DMGDH: variants seen among roughly 807,000 people sequenced by gnomAD.
DMGDH encodes dimethylglycine dehydrogenase, mitochondrial.
A neutral mutation model predicts 95.2 loss-of-function variants in DMGDH; 76 were observed. The ratio of observed to expected loss-of-function variants is 0.80; its 90% CI spans 0.66 to 0.97. DMGDH has a LOEUF of 0.97. Ranked by LOEUF, DMGDH falls within the 50% of genes least tolerant of loss-of-function variation. The probability of loss-of-function intolerance (pLI) is 0.00; values close to 1 mark genes in which losing one functional copy is unlikely to be tolerated. For synonymous variants in DMGDH, 345 were observed against 377.6 expected, an observed-to-expected ratio of 0.91 and a Z score of 1.00; for missense variants, 987 against 1,055.0, an observed-to-expected ratio of 0.94 and a Z score of 0.89.
chr5:79,028,969 A>G (rs1288784692), intron 11 of DMGDH, among the ~76,000 whole-genome samples: 1 of 152,240 alleles, frequency 6.6e-6, no homozygotes, highest in Non-Finnish European at 1.5e-5. Context: ...CTAATGATTC[A>G]GCCTTGCAAA....
At chr5:79,044,704 T>C (rs1294675745) in intron 5 of DMGDH, 152 bp from the exon 6 acceptor site, 5 of 889,134 alleles carry the variant, frequency 5.6e-6, no homozygotes, top group African/African-American at 3.4e-5. Context: ...ACTTTTGTCA[T>C]TGCAAAACTG....
In DMGDH at chr5:79,053,298, G is replaced by A. The variant is rs114830334; in HGVS notation, c.540+886C>T. Among the ~76,000 whole-genome samples the A allele has an allele frequency of 8.6e-3, 1,313 of 152,096 alleles. 18 individuals are homozygous for A. Among genetic ancestry groups the A allele is most frequent in the African/African-American group, 0.03 (1,245 of 41,472 alleles). ...CTCCCAAGTAGCTAGGACTACAGAC[G>A]GAATCCTACTACCCCACACTCAGTT... is the stretch of plus-strand genomic sequence containing the variant. On this transcript the variant is annotated intron_variant, in intron 4 of 15. Transcript: ENST00000255189.
chr5:79,034,214 C>T (rs939779009), intron 7 of DMGDH, among the ~76,000 whole-genome samples: 3 of 152,130 alleles, frequency 2.0e-5, no homozygotes, highest in African/African-American at 7.2e-5. Context: ...TAGACAATGA[C>T]CTGTGCGCAA....
At chr5:79,001,217 C>T in intron 15 of DMGDH, 1 of 351,904 alleles carries the variant, frequency 2.8e-6, no homozygotes. Flanking sequence ...AGCTGGAGTG[C>T]AGAGGCGCAA....
Position 79,033,280 on chromosome 5 carries a change from G to GTGT in DMGDH, c.1319_1321dup (p.Tyr440_Thr441insAsn). ...ATATGATTCTCTTGCTTTGGCCTCA[G>GTGT]TGTACTGGGTTGTTGTCCATTTGCC... On this transcript the variant is annotated inframe_insertion, in exon 8 of 16. Transcript: ENST00000255189. The GTGT allele has an allele frequency of 6.2e-7, 1 of 1,614,142 alleles. No homozygotes were observed. Among genetic ancestry groups the GTGT allele is most frequent in the South Asian group, 1.1e-5 (1 of 91,084 alleles).
chr5:78,998,223 T>A lies in DMGDH; in HGVS notation c.2460A>T (p.Val820=). ...QKSLAFAYVP[V]QLSEVGQQVE... ...CTTGCTGTCCCACTTCACTTAGTTG[T>A]ACAGGGACATATGCGAAAGCCAGAC... is the stretch of plus-strand genomic sequence containing the variant. The change falls in exon 16 of 16, where the codon GTA becomes GTT. Residue 820 remains valine (V), a synonymous_variant. Transcript: ENST00000255189. 1 of 1,614,226 alleles carries A rather than the reference T, an allele frequency of 6.2e-7. No individual in the cohort carries two copies. The highest frequency in any genetic ancestry group is 2.2e-5 in the East Asian group (1 of 44,880).
At chr5:79,050,273 A>AAAAATATATATAT (rs1554037270) in intron 5 of DMGDH, among the ~76,000 whole-genome samples, 3 of 20,934 alleles carry the variant, frequency 1.4e-4, no homozygotes, top group Non-Finnish European at 1.9e-4. Flanking sequence ...AAAAAAAAAA[A>AAAAATATATATAT]ATATATATAT....
intron 2 of DMGDH, among the ~76,000 whole-genome samples, chr5:79,061,250 CACACACACACACACACA>C (rs1448760205): frequency 6.8e-6 from 1 of 147,616 alleles, no homozygotes; most frequent in South Asian, 2.2e-4. Flanking sequence ...CACACACACA[CACACACACACACACACA>C]AACACCTAAT....
At chr5:79,001,018 T>C in intron 15 of DMGDH, 1 of 701,260 alleles carries the variant, frequency 1.4e-6, no homozygotes, top group Non-Finnish European at 2.6e-6. Context: ...CAAAATATTT[T>C]GGCACAGTCA....
chr5:79,042,681 T>C (rs927390006), intron 6 of DMGDH, among the ~76,000 whole-genome samples, 200 bp from the exon 7 acceptor site: 1 of 152,226 alleles, frequency 6.6e-6, no homozygotes, highest in African/African-American at 2.4e-5. Context: ...GGTATTGTTC[T>C]TGAAACAAAA....
intron 7 of DMGDH, among the ~76,000 whole-genome samples, chr5:79,039,969 G>A (rs1015098916): frequency 2.1e-5 from 3 of 141,504 alleles, no homozygotes; most frequent in Non-Finnish European, 4.6e-5. Flanking sequence ...TTTGTCCTAT[G>A]TATCTCTTCC....
chr5:79,054,946 A>G (rs1040277444), intron 3 of DMGDH, among the ~76,000 whole-genome samples: 28 of 152,336 alleles, frequency 1.8e-4, no homozygotes, highest in Admixed American at 1.5e-3. Context: ...AGAGGTGTGC[A>G]CAAATGCTCT....
chr5:79,032,149 T>C (rs1343460449), intron 9 of DMGDH, among the ~76,000 whole-genome samples: 1 of 152,226 alleles, frequency 6.6e-6, no homozygotes, highest in Non-Finnish European at 1.5e-5. Flanking sequence ...TTTACCCAAA[T>C]TCAGAGAACT....
intron 15 of DMGDH, among the ~76,000 whole-genome samples, chr5:79,001,367 T>C (rs1335000322): frequency 6.6e-6 from 1 of 152,254 alleles, no homozygotes; most frequent in East Asian, 1.9e-4. Flanking sequence ...TTCACCATGT[T>C]GGCCAGGCTG....
intron 14 of DMGDH, among the ~76,000 whole-genome samples, chr5:79,006,861 C>T (rs1753558205): frequency 8.1e-6 from 1 of 123,568 alleles, no homozygotes; most frequent in Admixed American, 8.7e-5. Flanking sequence ...CCAGTCCATT[C>T]CTTTCCTAGT....
chr5:79,019,852 T>C (rs1176350939), intron 14 of DMGDH, among the ~76,000 whole-genome samples: 1 of 152,124 alleles, frequency 6.6e-6, no homozygotes, highest in East Asian at 1.9e-4. Context: ...ACCACTGCAC[T>C]CCAGCCTGGG....
intron 7 of DMGDH, among the ~76,000 whole-genome samples, chr5:79,038,383 C>T (rs1390402557): frequency 6.6e-6 from 1 of 152,074 alleles, no homozygotes. Flanking sequence ...ATTTGGGAGG[C>T]TGAAGCAAGA....
intron 15 of DMGDH, chr5:79,000,681 T>C: frequency 1.6e-6 from 1 of 612,650 alleles, no homozygotes; most frequent in Non-Finnish European, 3.1e-6. Context: ...TCTGAGGTTT[T>C]TGTATTGGAA....
chr5:79,058,549 T>C (rs1374738500), intron 2 of DMGDH, among the ~76,000 whole-genome samples: 1 of 152,128 alleles, frequency 6.6e-6, no homozygotes, highest in East Asian at 1.9e-4. Flanking sequence ...CCTAGACACA[T>C]AGTAACTATG....
Sources: allele counts gnomAD v4.1 joint callset (sites outside exome capture counted in the v4.1 genomes callset), GRCh38; gene constraint gnomAD v4.1.1; transcripts MANE v1.5; gene names NCBI Gene and HGNC (gene_info 2026-07-23, HGNC 2026-07-21).